KHDRBS3: variants seen among roughly 807,000 people sequenced by gnomAD.
KHDRBS3 encodes the protein KH domain-containing, RNA-binding, signal transduction-associated protein 3.
Under a neutral mutation model 45.6 loss-of-function variants are expected in KHDRBS3, and 23 were observed. That is an observed-to-expected ratio of 0.50 (90% CI 0.36 to 0.72). The LOEUF (loss-of-function observed/expected upper bound fraction) is 0.72, where lower values mean the gene tolerates loss of function less well. Ranked by LOEUF, KHDRBS3 falls within the 30% of genes least tolerant of loss-of-function variation. The pLI, the probability that KHDRBS3 is intolerant of heterozygous loss-of-function variation, is 0.00. For synonymous variants in KHDRBS3, 162 were observed against 156.5 expected (o/e 1.04, Z -0.26); for missense variants, 352 against 424.8 (o/e 0.83, Z 1.51).
chr8:135,656,186 C>A (rs1030224375), intron 4 of KHDRBS3: 4 of 152,168 alleles, frequency 2.6e-5, no homozygotes, highest in Non-Finnish European at 5.9e-5. Context: ...TTATTAATTT[C>A]TTGATATATA....
intron 6 of KHDRBS3, among the ~76,000 whole-genome samples, chr8:135,600,622 C>T (rs1192460948): frequency 6.6e-6 from 1 of 152,150 alleles, no homozygotes; most frequent in Admixed American, 6.5e-5. Flanking sequence ...AGTGCACGGT[C>T]TGATTTTTAA....
At chr8:135,613,526 A>G (rs1343478164) in intron 7 of KHDRBS3, among the ~76,000 whole-genome samples, 1 of 151,530 alleles carries the variant, frequency 6.6e-6, no homozygotes, top group African/African-American at 2.4e-5. Flanking sequence ...ACTGAATGAG[A>G]TGGTTTGCAT....
At chr8:135,560,330 A>G (rs1435479904) in intron 5 of KHDRBS3, among the ~76,000 whole-genome samples, 7 of 152,076 alleles carry the variant, frequency 4.6e-5, no homozygotes, top group Non-Finnish European at 1.0e-4. Context: ...TACAACATTT[A>G]TTTTATATAT....
chr8:135,467,961 A>G (rs958510418), intron 1 of KHDRBS3, among the ~76,000 whole-genome samples: 1 of 152,170 alleles, frequency 6.6e-6, no homozygotes, highest in African/African-American at 2.4e-5. Context: ...CAGTCATTCC[A>G]TCTACATTTA....
intron 5 of KHDRBS3, among the ~76,000 whole-genome samples, chr8:135,577,631 G>A (rs1172894998): frequency 6.6e-6 from 1 of 152,202 alleles, no homozygotes. Flanking sequence ...CTGTATGCAT[G>A]TAACCCAGTT....
intron 1 of KHDRBS3, among the ~76,000 whole-genome samples, chr8:135,471,515 G>A (rs1381867340): frequency 1.3e-5 from 2 of 152,160 alleles, no homozygotes; most frequent in Non-Finnish European, 2.9e-5. Context: ...TGGGGAAGTG[G>A]CCAAATTAAA....
intron 3 of KHDRBS3, among the ~76,000 whole-genome samples, chr8:135,546,156 A>T (rs965509238): frequency 1.0e-4 from 15 of 143,258 alleles, no homozygotes; most frequent in Non-Finnish European, 1.8e-4. Context: ...TAAATAAATT[A>T]AAAAAAAAAA....
chr8:135,476,790 TA>T (rs992038851), intron 1 of KHDRBS3, among the ~76,000 whole-genome samples: 3 of 152,064 alleles, frequency 2.0e-5, no homozygotes, highest in Non-Finnish European at 4.4e-5. Flanking sequence ...ATTAGGTGGG[TA>T]AAAAATATAT....
chr8:135,532,068 A>G (rs1394385410), intron 2 of KHDRBS3, among the ~76,000 whole-genome samples: 1 of 152,174 alleles, frequency 6.6e-6, no homozygotes, highest in African/African-American at 2.4e-5. Context: ...GTTAGCAACT[A>G]TGCTAAGAAA....
chr8:135,461,207 C>A (rs763407405), intron 1 of KHDRBS3, among the ~76,000 whole-genome samples: 2 of 152,152 alleles, frequency 1.3e-5, no homozygotes, highest in Non-Finnish European at 2.9e-5. Flanking sequence ...TGGGTTTGCG[C>A]GATTCTCCCG....
chr8:135,482,451 T>C (rs1438844419), intron 1 of KHDRBS3, among the ~76,000 whole-genome samples: 1 of 152,158 alleles, frequency 6.6e-6, no homozygotes, highest in Non-Finnish European at 1.5e-5. Context: ...TAGAATGAGC[T>C]CTTGGTTACC....
chr8:135,557,282 C>T (rs1826934866), intron 4 of KHDRBS3, among the ~76,000 whole-genome samples, 166 bp from the exon 5 acceptor site: 1 of 152,068 alleles, frequency 6.6e-6, no homozygotes, highest in Non-Finnish European at 1.5e-5. Context: ...TCCTTTTTTA[C>T]AAGAATTTAT....
chr8:135,656,276 T>G (rs1411540340), exon 5 of KHDRBS3: 1 of 152,230 alleles, frequency 6.6e-6, no homozygotes, highest in Non-Finnish European at 1.5e-5. Context: ...CTCACCAACG[T>G]GCCTAGTCAG....
At chr8:135,539,297 T>G (rs1825931569) in intron 2 of KHDRBS3, 1 of 152,280 alleles carries the variant, frequency 6.6e-6, no homozygotes, top group Non-Finnish European at 1.5e-5. Context: ...CACATTACCA[T>G]TATTGTGACT....
At chr8:135,524,070 C>T (rs918757832) in intron 2 of KHDRBS3, among the ~76,000 whole-genome samples, 9 of 152,000 alleles carry the variant, frequency 5.9e-5, no homozygotes, top group African/African-American at 2.2e-4. Flanking sequence ...GGCTGTAGTG[C>T]AGTCACGCGA....
intron 5 of KHDRBS3, among the ~76,000 whole-genome samples, chr8:135,560,030 A>G (rs1334427693): frequency 6.6e-6 from 1 of 152,208 alleles, no homozygotes. Context: ...AGTCTGGGCA[A>G]CATAGCCAGA....
chr8:135,579,690 C>T (rs1424530453), intron 5 of KHDRBS3, among the ~76,000 whole-genome samples: 3 of 152,146 alleles, frequency 2.0e-5, no homozygotes, highest in African/African-American at 7.2e-5. Context: ...GAATGAATGT[C>T]GCCATTGGCC....
At chr8:135,540,169 C>T (rs1825974763) in intron 2 of KHDRBS3, 1 of 152,034 alleles carries the variant, frequency 6.6e-6, no homozygotes, top group Admixed American at 6.6e-5. Flanking sequence ...TTATGAAGAT[C>T]ACAAGAATGG....
At chr8:135,508,030 A>G (rs1824095035) in intron 1 of KHDRBS3, among the ~76,000 whole-genome samples, 2 of 152,226 alleles carry the variant, frequency 1.3e-5, no homozygotes, top group South Asian at 4.1e-4. Flanking sequence ...CCCCTTTAAT[A>G]TCATCATACG....
Sources: gnomAD v4.1 joint callset for allele counts (sites outside exome capture counted in the v4.1 genomes callset) on GRCh38, gnomAD v4.1.1 for gene constraint, MANE v1.5 for transcripts, NCBI Gene and HGNC (gene_info 2026-07-23, HGNC 2026-07-21) for gene names.